Variants in CADM2 observed in about 807,000 individuals in gnomAD.
CADM2 encodes the protein cell adhesion molecule 2.
In CADM2, 12 loss-of-function variants were observed where a neutral mutation model predicts 49.8. The observed-to-expected ratio is 0.24, with a 90% CI of 0.15 to 0.39. CADM2 has a LOEUF of 0.39. Among genes scored for constraint, CADM2 ranks in the 10% least tolerant of loss-of-function variants. The pLI is 1.00. For missense variants in CADM2, 378 were observed against 492.3 expected, an observed-to-expected ratio of 0.77 and a Z score of 2.20; for synonymous variants, 214 against 175.4, an observed-to-expected ratio of 1.22 and a Z score of -1.74.
At chr3:86,008,278 A>G (rs1731048657) in intron 8 of CADM2, among the ~76,000 whole-genome samples, 1 of 152,168 alleles carries the variant, frequency 6.6e-6, no homozygotes, top group Non-Finnish European at 1.5e-5. Flanking sequence ...AGCATAAAAT[A>G]CACTGGCTGC....
chr3:85,608,564 G>A (rs868296932), intron 1 of CADM2, among the ~76,000 whole-genome samples: 1 of 152,078 alleles, frequency 6.6e-6, no homozygotes, highest in Non-Finnish European at 1.5e-5. Flanking sequence ...CAAGTGAATG[G>A]CATTGTAAAA....
intron 1 of CADM2, among the ~76,000 whole-genome samples, chr3:85,719,268 C>T (rs952227954): frequency 6.6e-6 from 1 of 152,032 alleles, no homozygotes; most frequent in Non-Finnish European, 1.5e-5. Context: ...GTAGCCAACG[C>T]TGAACTATTT....
At chr3:85,224,766 G>A (rs956257961) in intron 1 of CADM2, among the ~76,000 whole-genome samples, 1 of 152,054 alleles carries the variant, frequency 6.6e-6, no homozygotes, top group Non-Finnish European at 1.5e-5. Flanking sequence ...TCCATCCTGA[G>A]TTAATTTTTG....
intron 2 of CADM2, among the ~76,000 whole-genome samples, chr3:85,734,548 T>C (rs969300421): frequency 4.0e-5 from 6 of 149,942 alleles, no homozygotes; most frequent in African/African-American, 1.5e-4. Flanking sequence ...CATATATATA[T>C]ACATATATGA....
At chr3:85,003,169 G>T (rs1245732650) in intron 1 of CADM2, among the ~76,000 whole-genome samples, 2 of 151,718 alleles carry the variant, frequency 1.3e-5, no homozygotes, top group African/African-American at 4.8e-5. Flanking sequence ...GAGATAAAAG[G>T]CCAAATACTA....
intron 8 of CADM2, among the ~76,000 whole-genome samples, chr3:86,063,179 A>C (rs1328082372): frequency 6.6e-6 from 1 of 152,176 alleles, no homozygotes; most frequent in Non-Finnish European, 1.5e-5. Context: ...TATCCAACTC[A>C]AAGCTCAAGA....
At chr3:85,095,762 A>C (rs2107532395) in intron 1 of CADM2, among the ~76,000 whole-genome samples, 1 of 152,300 alleles carries the variant, frequency 6.6e-6, no homozygotes, top group Admixed American at 6.5e-5. Flanking sequence ...CCACCAGTGA[A>C]CACATCTCTA....
intron 1 of CADM2, among the ~76,000 whole-genome samples, chr3:85,344,537 T>C (rs1217421555): frequency 6.6e-6 from 1 of 151,852 alleles, no homozygotes; most frequent in Non-Finnish European, 1.5e-5. Context: ...TTGGTTAAGT[T>C]AAATGAAGTG....
At chr3:84,970,655 T>C (rs1472571901) in intron 1 of CADM2, among the ~76,000 whole-genome samples, 1 of 152,038 alleles carries the variant, frequency 6.6e-6, no homozygotes, top group Non-Finnish European at 1.5e-5. Context: ...TGTAAATAAA[T>C]GTCAAATGAA....
At chr3:85,140,877 A>T (rs1157011906) in intron 1 of CADM2, among the ~76,000 whole-genome samples, 1 of 152,144 alleles carries the variant, frequency 6.6e-6, no homozygotes, top group Non-Finnish European at 1.5e-5. Context: ...GACTTTGGTT[A>T]TCTAAATTAG....
chr3:85,162,672 A>ATAGTATTTTTAAATAG (rs2040362777), intron 1 of CADM2, among the ~76,000 whole-genome samples: 1 of 152,148 alleles, frequency 6.6e-6, no homozygotes, highest in East Asian at 1.9e-4. Context: ...TGTTATTAAC[A>ATAGTATTTTTAAATAG]TAGTATTTTT....
At chr3:85,063,814 T>C (rs1349577467) in intron 1 of CADM2, among the ~76,000 whole-genome samples, 1 of 151,840 alleles carries the variant, frequency 6.6e-6, no homozygotes, top group Non-Finnish European at 1.5e-5. Flanking sequence ...ATACTGGGGG[T>C]ATATTAAAAC....
At chr3:85,428,740 T>C in intron 1 of CADM2, among the ~76,000 whole-genome samples, 1 of 149,544 alleles carries the variant, frequency 6.7e-6, no homozygotes, top group South Asian at 2.1e-4. Context: ...ATAGGGAATA[T>C]GCATTATGTA....
intron 1 of CADM2, among the ~76,000 whole-genome samples, chr3:85,702,204 G>T (rs1559602096): frequency 6.6e-6 from 1 of 151,994 alleles, no homozygotes; most frequent in Non-Finnish European, 1.5e-5. Flanking sequence ...TCTTGTATTT[G>T]TTTTTTCTTT....
At chr3:85,719,498 T>C (rs922841207) in intron 1 of CADM2, among the ~76,000 whole-genome samples, 2 of 152,234 alleles carry the variant, frequency 1.3e-5, no homozygotes, top group East Asian at 1.9e-4. Flanking sequence ...ATTTTGTATA[T>C]GTATCATGTA....
chr3:85,001,039 G>T (rs201796797), intron 1 of CADM2, among the ~76,000 whole-genome samples: 1 of 151,962 alleles, frequency 6.6e-6, no homozygotes, highest in African/African-American at 2.4e-5. Flanking sequence ...TATTCTTTTT[G>T]TCACAATCAG....
intron 5 of CADM2, among the ~76,000 whole-genome samples, chr3:85,896,683 C>T (rs1715262497): frequency 6.6e-6 from 1 of 152,174 alleles, no homozygotes; most frequent in Non-Finnish European, 1.5e-5. Flanking sequence ...CTCGAATTGA[C>T]ATTAGCTATG....
At chr3:85,070,721 A>G (rs2107471618) in intron 1 of CADM2, among the ~76,000 whole-genome samples, 1 of 152,250 alleles carries the variant, frequency 6.6e-6, no homozygotes, top group African/African-American at 2.4e-5. Context: ...GGCCAGGGGC[A>G]GTGGATCACG....
At chr3:85,839,938 C>T (rs2074569619) in intron 3 of CADM2, among the ~76,000 whole-genome samples, 1 of 151,598 alleles carries the variant, frequency 6.6e-6, no homozygotes, top group African/African-American at 2.4e-5. Flanking sequence ...ATTTTTTGGC[C>T]ATGTCTTATT....
Sources: gnomAD v4.1 joint callset for allele counts (sites outside exome capture counted in the v4.1 genomes callset) on GRCh38, gnomAD v4.1.1 for gene constraint, MANE v1.5 for transcripts, NCBI Gene and HGNC (gene_info 2026-07-23, HGNC 2026-07-21) for gene names.